The following APC variants were observed in gnomAD, a reference collection of about 807,000 sequenced individuals.
APC encodes the protein APC regulator of Wnt signaling pathway.
A neutral mutation model predicts 247.0 loss-of-function variants in APC; 72 were observed. The observed-to-expected ratio is 0.29, with a 90% CI of 0.24 to 0.35. The LOEUF (loss-of-function observed/expected upper bound fraction) is 0.35. Ranked by LOEUF, APC falls within the 10% of genes least tolerant of loss-of-function variation. The pLI is 1.00. For missense variants in APC, 3,400 were observed against 3,360.7 expected, an observed-to-expected ratio of 1.01 and a Z score of -0.29; for synonymous variants, 1,254 against 1,162.5, an observed-to-expected ratio of 1.08 and a Z score of -1.60.
rs587780599 is a variant in APC at position 112,841,353 on chromosome 5, G to T, written c.5759G>T (p.Arg1920Leu). Residue 1920 changes from arginine to leucine, a missense_variant, in exon 16 of 16, where the codon CGA (arginine) becomes CTA (leucine). By Grantham distance (102) the Arg-to-Leu change is moderately radical. This residue lies in a region of APC where 1,788 missense variants were observed against 1,649.5 expected (regional missense o/e 1.08). Transcript: ENST00000257430. The surrounding 1 kb of genome is among the most constrained non-coding windows in gnomAD (Gnocchi z 4.6). Reference protein sequence around the residue: ...TQAIAKQPINRGQPKPILQKQ... With the variant: ...TQAIAKQPINLGQPKPILQKQ... Reference sequence around the variant, plus strand: ...GCTATTGCAAAGCAGCCAATAAATCGAGGTCAGCCTAAACCCATACTTCAG... The same window carrying T: ...GCTATTGCAAAGCAGCCAATAAATCTAGGTCAGCCTAAACCCATACTTCAG... The T allele has an allele frequency of 6.2e-7, 1 of 1,613,666 alleles. No homozygotes were observed. Among genetic ancestry groups the T allele is most frequent in the Non-Finnish European group, 8.5e-7 (1 of 1,179,700 alleles).
At chr5:112,810,728 A>C (rs1761902143) in intron 8 of APC, among the ~76,000 whole-genome samples, 2 of 152,240 alleles carry the variant, frequency 1.3e-5, no homozygotes, top group South Asian at 4.1e-4. Flanking sequence ...CAAGAGAATT[A>C]TGAAAGTGAT....
intron 5 of APC, among the ~76,000 whole-genome samples, chr5:112,776,302 C>T (rs1477728145): frequency 6.6e-6 from 1 of 152,146 alleles, no homozygotes; most frequent in Non-Finnish European, 1.5e-5. Flanking sequence ...TTCTTGGCCT[C>T]TGCTGAACCA....
intron 2 of APC, 68 bp from the exon 3 acceptor site, chr5:112,766,258 A>G (rs973820135): frequency 1.8e-5 from 21 of 1,189,176 alleles, no homozygotes; most frequent in African/African-American, 7.6e-5. Flanking sequence ...TTAAATGTCA[A>G]GAAATACAGA....
chr5:112,751,331 T>G (rs938066271), intron 1 of APC, among the ~76,000 whole-genome samples: 1 of 152,076 alleles, frequency 6.6e-6, no homozygotes, highest in Admixed American at 6.5e-5. Flanking sequence ...CTGCTCTTCT[T>G]TCATATTTTC....
Position 112,838,185 on chromosome 5 carries a change from A to G in APC, c.2591A>G (p.His864Arg). 1 of 1,614,206 alleles carries G rather than the reference A, an allele frequency of 6.2e-7. No homozygotes were observed. Among genetic ancestry groups the G allele is most frequent in the Non-Finnish European group, 8.5e-7 (1 of 1,180,036 alleles). The change falls in exon 16 of 16, where the codon CAT becomes CGT. Residue 864 changes from histidine (H) to arginine (R), a missense_variant. His to Arg is a conservative substitution (Grantham distance 29). This residue lies in a region of APC where 715 missense variants were observed against 656.6 expected (regional missense o/e 1.09). Coordinates refer to ENST00000257430, the MANE Select transcript of APC (RefSeq NM_000038.6). ...RERGIGLGNY[H>R]PATENPGTSS... ...CGCGGAATTGGTCTAGGCAACTACC[A>G]TCCAGCAACAGAAAATCCAGGAACT...
chr5:112,732,958 A>G (rs923506524), upstream of APC, among the ~76,000 whole-genome samples: 6 of 152,218 alleles, frequency 3.9e-5, no homozygotes, highest in African/African-American at 1.4e-4. Flanking sequence ...TCTGCAAGAT[A>G]AGTCAGTTAT....
chr5:112,833,042 GCTTTT>G (rs1764464208), intron 14 of APC, among the ~76,000 whole-genome samples: 1 of 137,682 alleles, frequency 7.3e-6, no homozygotes, highest in African/African-American at 2.7e-5. Context: ...TTTTTTTTTT[GCTTTT>G]GCTTTTGCTT....
Position 112,815,514 on chromosome 5 carries a change from A to G in APC, c.854A>G (p.Asp285Gly), listed in dbSNP as rs201093383. 16 of 1,611,874 alleles carry G rather than the reference A, an allele frequency of 9.9e-6. No homozygotes were observed. The highest frequency in any genetic ancestry group is 1.4e-5 in the Non-Finnish European group (16 of 1,178,582). The change falls in exon 9 of 16, where the codon GAC becomes GGC. Residue 285 changes from aspartate (D) to glycine (G), a missense_variant. Asp to Gly is a moderately conservative substitution (Grantham distance 94, BLOSUM62 -1). This residue lies in a region of APC where 372 missense variants were observed against 367.6 expected (regional missense o/e 1.01). Coordinates refer to ENST00000257430, the MANE Select transcript of APC (RefSeq NM_000038.6). ...GNGQGSTTRMDHETASVLSSS... is the reference protein window; with the variant it reads ...GNGQGSTTRMGHETASVLSSS... ...TTTTAGGGTTCAACTACACGAATGG[A>G]CCATGAAACAGCCAGTGTTTTGAGT... is the stretch of plus-strand genomic sequence containing the variant.
chr5:112,735,045 T>G (rs1041481168), upstream of APC, among the ~76,000 whole-genome samples: 1 of 152,138 alleles, frequency 6.6e-6, no homozygotes, highest in African/African-American at 2.4e-5. Flanking sequence ...TTTACAACAT[T>G]TACATATGAA....
At chr5:112,774,354 C>T (rs1757368090) in intron 4 of APC, among the ~76,000 whole-genome samples, 1 of 152,036 alleles carries the variant, frequency 6.6e-6, no homozygotes, top group Non-Finnish European at 1.5e-5. Context: ...ATTTGAGATG[C>T]CCAACTGGTA....
At position 112,844,385 on chromosome 5, in the gene APC, G is replaced by A; in HGVS notation, c.*259G>A. 2.4e-6 allele frequency: 1 copy of A among 416,504 alleles called. No homozygotes were observed. The allele number at this position is 416,504 out of a possible 1,614,324, so 25.8% of individuals were successfully genotyped here. Reference sequence around the variant, plus strand: ...ACAGTATGTTTTACATGTATTTAAAGTAGCATCCCATCCCAACTTCCTTTA... The same window carrying A: ...ACAGTATGTTTTACATGTATTTAAAATAGCATCCCATCCCAACTTCCTTTA... On this transcript the variant is annotated 3_prime_UTR_variant, in exon 16 of 16. Transcript: ENST00000257430.
At chr5:112,783,875 A>C (rs1198464808) in intron 6 of APC, 16 of 304,382 alleles carry the variant, frequency 5.3e-5, no homozygotes, top group South Asian at 3.4e-4. Context: ...CAGAAAATTA[A>C]GTTCAAGTGT....
intron 14 of APC, among the ~76,000 whole-genome samples, chr5:112,833,800 A>AT (rs1764567614): frequency 6.6e-6 from 1 of 152,180 alleles, no homozygotes; most frequent in Non-Finnish European, 1.5e-5. Flanking sequence ...GTTTTTATAA[A>AT]TTACATTGTT....
chr5:112,708,813 A>G (rs576478509), intron 1 of APC, among the ~76,000 whole-genome samples: 2 of 152,220 alleles, frequency 1.3e-5, no homozygotes, highest in East Asian at 3.9e-4. Flanking sequence ...AGTACTTGAT[A>G]TTTTCTATAT....
intron 15 of APC, among the ~76,000 whole-genome samples, chr5:112,837,103 C>G (rs77954601): frequency 6.6e-6 from 1 of 152,316 alleles, no homozygotes; most frequent in South Asian, 2.1e-4. Flanking sequence ...ATAATGTGCA[C>G]TGACTGCAGA....
At chr5:112,708,656 A>G (rs1198501734) in intron 1 of APC, among the ~76,000 whole-genome samples, 1 of 152,248 alleles carries the variant, frequency 6.6e-6, no homozygotes, top group African/African-American at 2.4e-5. Flanking sequence ...GTTAGCTTAA[A>G]TTGCCTACTG....
At chr5:112,806,510 C>T (rs754209619) in intron 8 of APC, among the ~76,000 whole-genome samples, 4 of 152,112 alleles carry the variant, frequency 2.6e-5, no homozygotes, top group Non-Finnish European at 5.9e-5. Flanking sequence ...GCTTGCTTAG[C>T]ATATAACTAT....
chr5:112,799,998 A>G (rs766367643), intron 7 of APC, among the ~76,000 whole-genome samples: 3 of 152,140 alleles, frequency 2.0e-5, no homozygotes, highest in Non-Finnish European at 4.4e-5. Context: ...TCTGTTATAT[A>G]TATTTACAGC....
chr5:112,796,620 G>A (rs1192985606), intron 7 of APC, among the ~76,000 whole-genome samples: 1 of 151,724 alleles, frequency 6.6e-6, no homozygotes, highest in African/African-American at 2.4e-5. Context: ...AAAGGGCCAG[G>A]AAAAAAAGCA....
Sources: gnomAD v4.1 joint callset for allele counts (sites outside exome capture counted in the v4.1 genomes callset) on GRCh38, gnomAD v4.1.1 for gene constraint, gnomAD v4.1.1 regional missense constraint, Gnocchi (gnomAD v3.1) non-coding constraint, MANE v1.5 for transcripts, NCBI Gene and HGNC (gene_info 2026-07-23, HGNC 2026-07-21) for gene names.